TANGO6: variants seen among roughly 807,000 people sequenced by gnomAD.
TANGO6 encodes transport and Golgi organization protein 6 homolog.
TANGO6 carries 90 observed loss-of-function variants against 114.2 expected under a neutral mutation model. The ratio of observed to expected loss-of-function variants is 0.79; its 90% confidence interval spans 0.66 to 0.94. The LOEUF (loss-of-function observed/expected upper bound fraction) is 0.94, where lower values mean the gene tolerates loss of function less well. TANGO6 is among the 40% of genes least tolerant of loss of function. TANGO6 has a pLI of 0.00. For missense variants in TANGO6, 1,274 were observed against 1,315.3 expected (o/e 0.97, Z 0.49); for synonymous variants, 477 against 509.8 (o/e 0.94, Z 0.87).
At chr16:68,993,285 A>G (rs1963961349) in intron 15 of TANGO6, among the ~76,000 whole-genome samples, 1 of 152,260 alleles carries the variant, frequency 6.6e-6, no homozygotes, top group East Asian at 1.9e-4. Context: ...TGTTATTTTT[A>G]TTTTCAGTGT....
chr16:68,974,777 AAAG>A (rs940332124), intron 15 of TANGO6, among the ~76,000 whole-genome samples: 1 of 152,134 alleles, frequency 6.6e-6, no homozygotes, highest in African/African-American at 2.4e-5. Context: ...GCAAGCACAA[AAAG>A]AAGAGGAATG....
chr16:69,081,073 G>A (rs1399131285), intron 17 of TANGO6, among the ~76,000 whole-genome samples: 2 of 152,176 alleles, frequency 1.3e-5, no homozygotes. Flanking sequence ...AGGAGGCGGA[G>A]CTTGCAGTGA....
chr16:68,861,966 T>C (rs1962098260), intron 2 of TANGO6, among the ~76,000 whole-genome samples: 1 of 152,144 alleles, frequency 6.6e-6, no homozygotes, highest in Non-Finnish European at 1.5e-5. Flanking sequence ...CCTCTATTGC[T>C]CATAAAGGCA....
rs746665569 is a variant in TANGO6, at chr16:69,084,063, T to G, written c.*402T>G. Reference sequence around the variant, plus strand: ...CACCTAGCTCTATATTCTTTCAGGCTGAGATTCTTCTTCAGGAAAATGAGG... The same window carrying G: ...CACCTAGCTCTATATTCTTTCAGGCGGAGATTCTTCTTCAGGAAAATGAGG... On this transcript the variant is annotated 3_prime_UTR_variant, in exon 18 of 18. Coordinates refer to ENST00000261778, the MANE Select transcript of TANGO6 (RefSeq NM_024562.2). 1 of 155,570 alleles carries G rather than the reference T, an allele frequency of 6.4e-6. No homozygotes were observed. Among genetic ancestry groups the G allele is most frequent in the Non-Finnish European group, 1.4e-5 (1 of 70,252 alleles). 9.6% of individuals were successfully genotyped at this position (155,570 alleles called of 1,614,324 possible).
intron 17 of TANGO6, among the ~76,000 whole-genome samples, chr16:69,063,666 A>AC (rs1444536250): frequency 1.6e-4 from 24 of 149,176 alleles, no homozygotes; most frequent in African/African-American, 5.9e-4. Flanking sequence ...AAAAAAAAAA[A>AC]AAAACAAAGT....
chr16:69,016,067 T>C (rs1042779010), intron 15 of TANGO6, among the ~76,000 whole-genome samples: 1 of 152,070 alleles, frequency 6.6e-6, no homozygotes, highest in Non-Finnish European at 1.5e-5. Flanking sequence ...CCGCTCCTTA[T>C]TTTTTTTCAT....
chr16:69,062,787 TAAAAAAAA>T (rs35731381), intron 17 of TANGO6, among the ~76,000 whole-genome samples: 15 of 113,734 alleles, frequency 1.3e-4, no homozygotes, highest in African/African-American at 4.3e-4. Context: ...AAAAGAAATT[TAAAAAAAA>T]AAAAAAAAAA....
chr16:68,907,477 G>A lies in TANGO6; in HGVS notation c.1702G>A (p.Val568Ile). The change falls in exon 10 of 18, where the codon GTA becomes ATA. Residue 568 changes from valine to isoleucine, a missense_variant. Physicochemically the swap from Val to Ile is conservative, Grantham distance 29. This residue lies in a region of TANGO6 where 908 missense variants were observed against 910.2 expected (regional missense o/e 1.00). Coordinates refer to ENST00000261778, the MANE Select transcript of TANGO6 (RefSeq NM_024562.2). ...TGAAGATGAAGCCCTGTACCAGAAG[G>A]TATCCTCTGAGCAGGGCCGGGTGGA... Reference protein sequence around the residue: ...EDEDEALYQKVSSEQGRVEHL... With the variant: ...EDEDEALYQKISSEQGRVEHL... 6.2e-7 allele frequency: 1 copy of A among 1,611,958 alleles called. No individual in the cohort carries two copies. Among genetic ancestry groups the A allele is most frequent in the South Asian group, 1.1e-5 (1 of 90,632 alleles).
At chr16:69,020,573 G>A (rs1959384094) in intron 15 of TANGO6, among the ~76,000 whole-genome samples, 1 of 152,146 alleles carries the variant, frequency 6.6e-6, no homozygotes, top group African/African-American at 2.4e-5. Flanking sequence ...ACTGGGCCTG[G>A]TAGGACAGGT....
intron 15 of TANGO6, among the ~76,000 whole-genome samples, chr16:69,006,409 C>A (rs1362849416): frequency 6.6e-6 from 1 of 152,006 alleles, no homozygotes; most frequent in Admixed American, 6.6e-5. Flanking sequence ...TTCTCCAGTC[C>A]TCGTTCTGAC....
At chr16:69,063,808 C>CTTCTTCTTCTTCTTCTTCTTATTATTA (rs56983779) in intron 17 of TANGO6, among the ~76,000 whole-genome samples, 122 of 125,566 alleles carry the variant, frequency 9.7e-4, no homozygotes, top group African/African-American at 3.9e-3. Context: ...TCTTCTTCTT[C>CTTCTTCTTCTTCTTCTTCTTATTATTA]TTATTATTAT....
chr16:69,079,531 A>G (rs371769537), intron 17 of TANGO6, among the ~76,000 whole-genome samples: 1 of 152,018 alleles, frequency 6.6e-6, no homozygotes, highest in Non-Finnish European at 1.5e-5. Context: ...AAAAATGCCA[A>G]CTGGGAGAAA....
intron 17 of TANGO6, among the ~76,000 whole-genome samples, chr16:69,047,007 CCT>C (rs1249177634): frequency 6.7e-6 from 1 of 149,652 alleles, no homozygotes; most frequent in East Asian, 2.0e-4. Context: ...ATGGTGAAAC[CCT>C]GTCTTTACTA....
intron 16 of TANGO6, among the ~76,000 whole-genome samples, chr16:69,032,244 C>A (rs963131329): frequency 6.6e-6 from 1 of 152,018 alleles, no homozygotes; most frequent in African/African-American, 2.4e-5. Context: ...TAACTTCATT[C>A]GTTCATTCAT....
chr16:68,886,800 T>G (rs1346426146), intron 7 of TANGO6, among the ~76,000 whole-genome samples: 1 of 135,824 alleles, frequency 7.4e-6, no homozygotes, highest in Admixed American at 7.5e-5. Flanking sequence ...CATGAGCCAT[T>G]GCACCTGGCC....
Position 68,913,035 on chromosome 16 carries a change from G to C in TANGO6, c.1992+3633G>C, listed in dbSNP as rs188620029. ...GCGGAGGTTGCAGTGAGCCGAGATT[G>C]CGCCACTGCACTCCAGCCTGAGTGA... is the stretch of plus-strand genomic sequence containing the variant. On this transcript the variant is annotated intron_variant, in intron 11 of 17. Transcript: ENST00000261778. 4.0e-3 allele frequency among the ~76,000 whole-genome samples: 605 copies of C among 150,098 alleles called. 5 individuals carry two copies. The highest frequency in any genetic ancestry group is 0.014 in the African/African-American group (574 of 40,698).
At chr16:68,869,339 G>A (rs1346931092) in intron 4 of TANGO6, among the ~76,000 whole-genome samples, 1 of 152,158 alleles carries the variant, frequency 6.6e-6, no homozygotes, top group Non-Finnish European at 1.5e-5. Context: ...TTAGCTGGGT[G>A]TGGTGGTGCG....
chr16:68,979,759 G>A (rs990096120), intron 15 of TANGO6, among the ~76,000 whole-genome samples: 3 of 151,674 alleles, frequency 2.0e-5, no homozygotes, highest in Non-Finnish European at 2.9e-5. Context: ...TTAAGATTCC[G>A]TGTATGTGGA....
Position 69,021,468 on chromosome 16 carries a change from CT to C in TANGO6, c.2843-1353del, listed in dbSNP as rs1050974760. 2.0e-5 allele frequency among the ~76,000 whole-genome samples: 3 copies of C among 152,020 alleles called. No individual in the cohort carries two copies. The East Asian group carries it at 5.8e-4, about 29-fold the overall frequency. On this transcript the variant is annotated intron_variant, in intron 15 of 17. Transcript: ENST00000261778. ...TTCCTTATTTCCCTTACCTGTTTTA[CT>C]TTTTTTGCCCCTATAGTATGTATTA...
Sources: allele counts gnomAD v4.1 joint callset (sites outside exome capture counted in the v4.1 genomes callset), GRCh38; gene constraint gnomAD v4.1.1; regional missense constraint gnomAD v4.1.1; transcripts MANE v1.5; gene names NCBI Gene and HGNC (gene_info 2026-07-23, HGNC 2026-07-21).